Variants in CSMD1 observed in about 807,000 individuals in gnomAD.
The protein encoded by CSMD1 is CUB and sushi domain-containing protein 1.
In CSMD1, 213 loss-of-function variants were observed where a neutral mutation model predicts 417.5. The observed-to-expected ratio is 0.51, with a 90% CI of 0.46 to 0.57. CSMD1 has a LOEUF of 0.57. Among genes scored for constraint, CSMD1 ranks in the 20% least tolerant of loss-of-function variants. The probability of loss-of-function intolerance (pLI) is 0.00; values close to 1 mark genes in which losing one functional copy is unlikely to be tolerated. For synonymous variants in CSMD1, 2,862 were observed against 1,736.8 expected (o/e 1.65, Z -16.11); for missense variants, 6,923 against 4,529.7 (o/e 1.53, Z -15.17).
chr8:4,447,863 G>C lies in CSMD1; in HGVS notation c.303-27798C>G, dbSNP rs548329712. The stretch of plus-strand genomic sequence containing the variant: ...TGATAAACTTAAAAAAGTGTAAGTA[G>C]AGGAGGCTCGACGAATGTACAATTT... On this transcript the variant is annotated intron_variant, in intron 2 of 69. Transcript: ENST00000635120. Among the ~76,000 whole-genome samples the C allele has an allele frequency of 3.9e-5, 6 of 152,208 alleles. No individual in the cohort carries two copies. In the East Asian group the frequency reaches 9.6e-4, roughly 24 times the overall value.
intron 1 of CSMD1, among the ~76,000 whole-genome samples, chr8:4,726,101 A>G (rs1004046956): frequency 6.6e-6 from 1 of 152,188 alleles, no homozygotes; most frequent in African/African-American, 2.4e-5. Flanking sequence ...CAGAACGCAC[A>G]TATAACACAC....
intron 3 of CSMD1, among the ~76,000 whole-genome samples, chr8:4,331,345 C>T (rs573704529): frequency 6.6e-6 from 1 of 152,118 alleles, no homozygotes; most frequent in Admixed American, 6.6e-5. Context: ...TAATTTTACC[C>T]CGCCCCTCAA....
chr8:4,866,516 C>G lies in CSMD1; in HGVS notation c.85+127816G>C, dbSNP rs564942213. 9.5e-4 allele frequency among the ~76,000 whole-genome samples: 145 copies of G among 151,862 alleles called. 1 individual carries two copies. Among genetic ancestry groups the G allele is most frequent in the African/African-American group, 3.3e-3 (137 of 41,422 alleles). The stretch of plus-strand genomic sequence containing the variant: ...CTTTATGCTAGGTACTTTTAATCCC[C>G]ACAACATAAGTGTTATTGGCTTTTT... On this transcript the variant is annotated intron_variant, in intron 1 of 69. Transcript: ENST00000635120.
Position 3,389,278 on chromosome 8 carries a change from C to G in CSMD1, c.2594-1596G>C, listed in dbSNP as rs559627573. 9.9e-5 allele frequency among the ~76,000 whole-genome samples: 15 copies of G among 152,244 alleles called. No homozygotes were observed. In the South Asian group the frequency reaches 3.1e-3, roughly 32 times the overall value. On this transcript the variant is annotated intron_variant, in intron 17 of 69. Transcript: ENST00000635120. ...TCCTCTCCTTCCTGCTACCCTCAAC[C>G]CTCTGATAGGCCCCAGTGTGTGTTG...
At chr8:4,812,268 A>G (rs1034761207) in intron 1 of CSMD1, among the ~76,000 whole-genome samples, 3 of 152,172 alleles carry the variant, frequency 2.0e-5, no homozygotes, top group African/African-American at 7.2e-5. Flanking sequence ...AATAGTTCTA[A>G]GTTTGTCGGG....
At chr8:4,276,194 C>T (rs1396852695) in intron 3 of CSMD1, among the ~76,000 whole-genome samples, 1 of 152,058 alleles carries the variant, frequency 6.6e-6, no homozygotes, top group East Asian at 1.9e-4. Flanking sequence ...CAGCACTGTT[C>T]ACAATAGCAA....
intron 2 of CSMD1, among the ~76,000 whole-genome samples, chr8:4,493,955 A>G (rs1411046572): frequency 6.6e-6 from 1 of 152,180 alleles, no homozygotes; most frequent in African/African-American, 2.4e-5. Flanking sequence ...AAAAAGGTCA[A>G]CTTGGTTCTA....
chr8:4,205,874 T>G (rs574689248), intron 3 of CSMD1, among the ~76,000 whole-genome samples: 2 of 152,046 alleles, frequency 1.3e-5, no homozygotes, highest in Non-Finnish European at 2.9e-5. Flanking sequence ...AAAATGAACT[T>G]CCTATTATGC....
At chr8:3,855,947 G>A (rs537137364) in intron 5 of CSMD1, among the ~76,000 whole-genome samples, 4 of 152,222 alleles carry the variant, frequency 2.6e-5, no homozygotes, top group African/African-American at 4.8e-5. Flanking sequence ...AATCCCAGAA[G>A]CATCTCCCTA....
intron 2 of CSMD1, among the ~76,000 whole-genome samples, chr8:4,588,257 T>C (rs181488552): frequency 5.1e-4 from 77 of 152,110 alleles, no homozygotes; most frequent in African/African-American, 1.8e-3. Context: ...CAGAAGACAG[T>C]AACTTTTAGG....
At chr8:3,989,762 G>A (rs553469367) in intron 5 of CSMD1, among the ~76,000 whole-genome samples, 1 of 152,288 alleles carries the variant, frequency 6.6e-6, no homozygotes, top group East Asian at 1.9e-4. Context: ...AATGTTCTAG[G>A]CCACTACTCA....
intron 2 of CSMD1, among the ~76,000 whole-genome samples, chr8:4,557,914 T>A (rs1798168158): frequency 6.6e-6 from 1 of 152,158 alleles, no homozygotes; most frequent in Non-Finnish European, 1.5e-5. Context: ...TTTTTAGTTT[T>A]TCATCATATC....
At position 3,148,077 on chromosome 8, in the gene CSMD1, G is replaced by C. The variant is rs546748953; in HGVS notation, c.6031+3320C>G. ...TCCCTGCTTGTCCCATTAGGAAATA[G>C]GGGACCCTTTTCTGAGTTGTAACCA... On this transcript the variant is annotated intron_variant, in intron 40 of 69. Transcript: ENST00000635120. Among the ~76,000 whole-genome samples, 5 of 152,236 alleles carry C rather than the reference G, an allele frequency of 3.3e-5. No homozygotes were observed. The South Asian group carries it at 1.0e-3, about 32-fold the overall frequency.
At chr8:4,763,051 G>A (rs1315494031) in intron 1 of CSMD1, among the ~76,000 whole-genome samples, 1 of 152,096 alleles carries the variant, frequency 6.6e-6, no homozygotes, top group Admixed American at 6.6e-5. Context: ...GACTTCCAGG[G>A]TACAGCTGTA....
At chr8:4,756,241 G>C (rs1362155781) in intron 1 of CSMD1, among the ~76,000 whole-genome samples, 2 of 152,044 alleles carry the variant, frequency 1.3e-5, no homozygotes, top group South Asian at 2.1e-4. Context: ...TGATGAAATG[G>C]GTTATACAGA....
At chr8:3,493,806 T>A in intron 10 of CSMD1, 80 bp from the exon 11 acceptor site, 3 of 1,220,262 alleles carry the variant, frequency 2.5e-6, no homozygotes, top group Non-Finnish European at 3.5e-6. Context: ...AATATCTAGT[T>A]ATACTGTTAA....
At chr8:4,900,568 G>T (rs187521395) in intron 1 of CSMD1, among the ~76,000 whole-genome samples, 60 of 152,226 alleles carry the variant, frequency 3.9e-4, no homozygotes, top group Non-Finnish European at 4.1e-4. Context: ...TTCTCCCAGT[G>T]CCACCTTTCT....
At chr8:4,376,355 C>T (rs865986137) in intron 3 of CSMD1, among the ~76,000 whole-genome samples, 1 of 152,166 alleles carries the variant, frequency 6.6e-6, no homozygotes, top group African/African-American at 2.4e-5. Context: ...AATCTCAACT[C>T]TTAGAAATAC....
rs115744055 is a variant in CSMD1, at chr8:3,822,965, T to A, written c.819-68923A>T. ...CTGGGCTAAGAAAAGTTGAATCAACTTTTTTAGTATATTGCCCAGGTTCCC... is the reference window on the plus strand; with the variant it reads ...CTGGGCTAAGAAAAGTTGAATCAACATTTTTAGTATATTGCCCAGGTTCCC... On this transcript the variant is annotated intron_variant, in intron 5 of 69. Transcript: ENST00000635120. Among the ~76,000 whole-genome samples the A allele has an allele frequency of 9.5e-3, 1,452 of 152,292 alleles. 21 individuals carry two copies. Among genetic ancestry groups the A allele is most frequent in the African/African-American group, 0.032 (1,348 of 41,552 alleles).
Sources: gnomAD v4.1 joint callset for allele counts (sites outside exome capture counted in the v4.1 genomes callset) on GRCh38, gnomAD v4.1.1 for gene constraint, MANE v1.5 for transcripts, NCBI Gene and HGNC (gene_info 2026-07-23, HGNC 2026-07-21) for gene names.